Variants in SLC49A4 observed in about 807,000 individuals in gnomAD.
SLC49A4 encodes disrupted in renal cancer protein 2.
SLC49A4 carries 36 observed loss-of-function variants against 50.6 expected under a neutral mutation model. The observed-to-expected ratio is 0.71, with a 90% CI of 0.55 to 0.94. The LOEUF is 0.94. Among genes scored for constraint, SLC49A4 ranks in the 40% least tolerant of loss-of-function variants. The pLI is 0.00. For missense variants in SLC49A4, 503 were observed against 605.7 expected, an observed-to-expected ratio of 0.83 and a Z score of 1.78; for synonymous variants, 248 against 241.2, an observed-to-expected ratio of 1.03 and a Z score of -0.26.
intron 4 of SLC49A4, among the ~76,000 whole-genome samples, chr3:122,841,613 A>C (rs144819385): frequency 6.6e-6 from 1 of 152,344 alleles, no homozygotes; most frequent in Non-Finnish European, 1.5e-5. Context: ...GTTAAAATGA[A>C]ATAAAATTAA....
chr3:122,807,540 A>G (rs1216377931), intron 2 of SLC49A4, among the ~76,000 whole-genome samples: 1 of 152,156 alleles, frequency 6.6e-6, no homozygotes, highest in Admixed American at 6.5e-5. Flanking sequence ...TGTAAGGTAT[A>G]CGAAGGTTTT....
intron 5 of SLC49A4, among the ~76,000 whole-genome samples, chr3:122,848,655 T>A (rs1025842864): frequency 1.3e-5 from 2 of 152,112 alleles, no homozygotes; most frequent in Non-Finnish European, 2.9e-5. Context: ...GAGCAGCTTT[T>A]AAAATTTTTA....
At chr3:122,871,513 T>TA (rs1179494795) in intron 7 of SLC49A4, among the ~76,000 whole-genome samples, 1 of 152,100 alleles carries the variant, frequency 6.6e-6, no homozygotes, top group East Asian at 1.9e-4. Flanking sequence ...ATATTTTTAT[T>TA]AAAAATATTT....
intron 7 of SLC49A4, 41 bp from the exon 8 acceptor site, chr3:122,872,374 G>A: frequency 6.6e-7 from 1 of 1,526,078 alleles, no homozygotes; most frequent in Non-Finnish European, 9.0e-7. Flanking sequence ...ATGACTCACT[G>A]CCGCTAGTGT....
chr3:122,824,197 T>C (rs1285132067), intron 2 of SLC49A4, among the ~76,000 whole-genome samples: 2 of 152,236 alleles, frequency 1.3e-5, no homozygotes, highest in Non-Finnish European at 2.9e-5. Context: ...CCACATAAGC[T>C]TATTTTAATT....
chr3:122,836,676 C>T (rs1414994823), intron 4 of SLC49A4, among the ~76,000 whole-genome samples: 1 of 152,136 alleles, frequency 6.6e-6, no homozygotes, highest in Non-Finnish European at 1.5e-5. Flanking sequence ...CCTCTCTCAC[C>T]ACTCCTATTC....
chr3:122,824,117 A>C (rs536166782), intron 2 of SLC49A4, among the ~76,000 whole-genome samples: 14 of 152,338 alleles, frequency 9.2e-5, no homozygotes, highest in African/African-American at 3.1e-4. Flanking sequence ...CTTGTTTATG[A>C]AGAGTGTATG....
At chr3:122,809,249 C>G (rs1231062494) in intron 2 of SLC49A4, among the ~76,000 whole-genome samples, 1 of 152,110 alleles carries the variant, frequency 6.6e-6, no homozygotes, top group Non-Finnish European at 1.5e-5. Context: ...CATCTAGGTT[C>G]CTATGGAAAG....
At chr3:122,846,254 G>C (rs911774495) in intron 5 of SLC49A4, among the ~76,000 whole-genome samples, 1 of 151,892 alleles carries the variant, frequency 6.6e-6, no homozygotes, top group African/African-American at 2.4e-5. Flanking sequence ...TCCAAATAAG[G>C]GTATTTCATT....
intron 3 of SLC49A4, among the ~76,000 whole-genome samples, chr3:122,830,549 G>A (rs1387593996): frequency 6.6e-6 from 1 of 152,112 alleles, no homozygotes. Flanking sequence ...TTTTCAGAAG[G>A]GTCCCAAGAT....
chr3:122,849,355 G>T (rs977321151), intron 5 of SLC49A4, among the ~76,000 whole-genome samples: 13 of 152,122 alleles, frequency 8.5e-5, no homozygotes, highest in African/African-American at 2.9e-4. Context: ...AAATGGGATT[G>T]CTACATCATA....
intron 7 of SLC49A4, among the ~76,000 whole-genome samples, chr3:122,869,942 A>G (rs1293448972): frequency 6.6e-6 from 1 of 152,174 alleles, no homozygotes; most frequent in African/African-American, 2.4e-5. Flanking sequence ...GCTTGATTTA[A>G]AAAATCATTA....
chr3:122,824,579 CTT>C (rs1222063459), intron 2 of SLC49A4, among the ~76,000 whole-genome samples: 2 of 151,738 alleles, frequency 1.3e-5, no homozygotes, highest in Non-Finnish European at 2.9e-5. Flanking sequence ...CTTTCTTTCT[CTT>C]TCTTTCTTTC....
At chr3:122,875,806 C>T (rs1312816400) in intron 8 of SLC49A4, among the ~76,000 whole-genome samples, 2 of 152,132 alleles carry the variant, frequency 1.3e-5, no homozygotes, top group Non-Finnish European at 2.9e-5. Flanking sequence ...TACAGACTAA[C>T]CCCAAAATGA....
chr3:122,852,180 C>T (rs1411947984), intron 5 of SLC49A4, among the ~76,000 whole-genome samples: 12 of 151,904 alleles, frequency 7.9e-5, no homozygotes, highest in African/African-American at 1.9e-4. Context: ...TTAGTAGAGA[C>T]GGGGTTTTGC....
chr3:122,878,314 CGTT>C (rs1937291139), intron 8 of SLC49A4, among the ~76,000 whole-genome samples: 1 of 152,168 alleles, frequency 6.6e-6, no homozygotes, highest in Non-Finnish European at 1.5e-5. Context: ...AAACTAGAAA[CGTT>C]GTCCCCACCA....
At chr3:122,809,209 G>T (rs570506382) in intron 2 of SLC49A4, among the ~76,000 whole-genome samples, 4 of 152,052 alleles carry the variant, frequency 2.6e-5, no homozygotes, top group Non-Finnish European at 5.9e-5. Flanking sequence ...GGGTACAAGG[G>T]TTCATGTTTG....
chr3:122,797,800 G>T (rs565477949), intron 1 of SLC49A4, among the ~76,000 whole-genome samples: 1 of 152,198 alleles, frequency 6.6e-6, no homozygotes, highest in Admixed American at 6.5e-5. Context: ...GGGCAACATG[G>T]TGAAACTCCA....
rs1375353627 is a variant in SLC49A4, at chr3:122,795,085, G to A, written c.-108G>A. ...ACCAGGCGCGGTCCGGAGGCCGAGG[G>A]CGACCACAGCAGCCTCCGCCTCCTG... On this transcript the variant is annotated 5_prime_UTR_variant, in exon 1 of 9. Transcript: ENST00000261038. 16 of 1,192,778 alleles carry A rather than the reference G, an allele frequency of 1.3e-5. No homozygotes were observed. Among genetic ancestry groups the A allele is most frequent in the Non-Finnish European group, 1.7e-5 (16 of 955,656 alleles). The allele number at this position is 1,192,778 out of a possible 1,614,324, so 73.9% of individuals were successfully genotyped here. A position where few individuals can be genotyped will look rare whatever the true frequency, so the allele number is the denominator to read the frequency against.
Sources: gnomAD v4.1 joint callset for allele counts (sites outside exome capture counted in the v4.1 genomes callset) on GRCh38, gnomAD v4.1.1 for gene constraint, MANE v1.5 for transcripts, NCBI Gene and HGNC (gene_info 2026-07-23, HGNC 2026-07-21) for gene names.